Variants in PARP2 observed in about 807,000 individuals in gnomAD.
The protein encoded by PARP2 is poly(ADP-ribose) polymerase 2.
In PARP2, 57 loss-of-function variants were observed where a neutral mutation model predicts 77.8. That is an observed-to-expected ratio of 0.73 (90% confidence interval 0.59 to 0.91). The LOEUF (loss-of-function observed/expected upper bound fraction) is 0.91, where lower values mean the gene tolerates loss of function less well. Ranked by LOEUF, PARP2 falls within the 40% of genes least tolerant of loss-of-function variation. The pLI is 0.00. For missense variants in PARP2, 651 were observed against 689.0 expected, an observed-to-expected ratio of 0.94 and a Z score of 0.62; for synonymous variants, 226 against 242.6, an observed-to-expected ratio of 0.93 and a Z score of 0.64.
In PARP2 at chr14:20,356,360, C is replaced by A. The variant is rs1254789086; in HGVS notation, c.1155C>A (p.Thr385=). 1 of 1,613,910 alleles carries A rather than the reference C, an allele frequency of 6.2e-7. No homozygotes were observed. The highest frequency in any genetic ancestry group is 8.5e-7 in the Non-Finnish European group (1 of 1,179,914). ...ATGCTCCCACACACAGCGACTATAC[C>A]ATGACCTTGCTGGATTTGTTTGAAG... ...STHAPTHSDY[T]MTLLDLFEVE... Residue 385 remains threonine (T), a synonymous_variant, in exon 12 of 16, where the codon ACC becomes ACA. Coordinates refer to ENST00000429687, the MANE Select transcript of PARP2 (RefSeq NM_001042618.2).
intron 8 of PARP2, 128 bp from the exon 9 acceptor site, chr14:20,354,681 T>C (rs918635406): frequency 1.1e-6 from 1 of 896,348 alleles, no homozygotes. Flanking sequence ...GCAACAGGAG[T>C]GAGACCCCAT....
rs576656897 is a variant in PARP2 at position 20,357,488 on chromosome 14, G to A, written c.1521G>A (p.Lys507=). 2 of 1,613,602 alleles carry A rather than the reference G, an allele frequency of 1.2e-6. No individual in the cohort carries two copies. Among genetic ancestry groups the A allele is most frequent in the East Asian group, 2.2e-5 (1 of 44,880 alleles). The part of the protein sequence containing the change: ...QGKHSTKGLG[K]MAPSSAHFVT... ...AACATAGCACCAAGGGGCTGGGCAAGATGGCTCCCAGTTCTGCCCACTTCG... is the reference window on the plus strand; with the variant it reads ...AACATAGCACCAAGGGGCTGGGCAAAATGGCTCCCAGTTCTGCCCACTTCG... The change falls in exon 15 of 16, where the codon AAG becomes AAA. Residue 507 remains lysine, a synonymous_variant. Transcript: ENST00000429687.
At chr14:20,343,726 G>A in intron 1 of PARP2, 39 bp downstream of exon 1, 2 of 1,600,302 alleles carry the variant, frequency 1.2e-6, no homozygotes, top group South Asian at 1.1e-5. Flanking sequence ...TGCGGGGGGC[G>A]GGCAGTCAGA....
At chr14:20,351,570 C>T (rs3093907) in intron 6 of PARP2, among the ~76,000 whole-genome samples, 37,314 of 152,194 alleles carry the variant, frequency 0.25, 5,343 homozygotes, top group South Asian at 0.38. Flanking sequence ...TTCACCCTGA[C>T]ATTCTGTGGT....
intron 4 of PARP2, among the ~76,000 whole-genome samples, chr14:20,348,396 GT>G (rs761339440): frequency 0.071 from 10,088 of 142,598 alleles, 969 homozygotes; most frequent in African/African-American, 0.22. Flanking sequence ...AAAATTTTGG[GT>G]TTTTTTTTTT....
chr14:20,346,074 A>G (rs1303642570), intron 3 of PARP2, among the ~76,000 whole-genome samples: 2 of 152,188 alleles, frequency 1.3e-5, no homozygotes, highest in African/African-American at 4.8e-5. Flanking sequence ...AGTACTGAGG[A>G]TTACAATTCA....
At chr14:20,350,765 T>A in intron 5 of PARP2, 143 bp downstream of exon 5, 1 of 624,798 alleles carries the variant, frequency 1.6e-6, no homozygotes, top group Non-Finnish European at 2.9e-6. Context: ...AAGTTGAGCA[T>A]CTTGAAATTG....
At position 20,354,037 on chromosome 14, in the gene PARP2, G is replaced by C. The variant is rs772002026; in HGVS notation, c.601-48G>C. The stretch of plus-strand genomic sequence containing the variant: ...AATATTGGGTGTTATAAGGAATCTA[G>C]AGATGATTTCTTAGATTGTCTTGTG... On this transcript the variant is annotated intron_variant, in intron 7 of 15. Coordinates refer to ENST00000429687, the MANE Select transcript of PARP2 (RefSeq NM_001042618.2). 12 of 1,435,582 alleles carry C rather than the reference G, an allele frequency of 8.4e-6. No individual in the cohort carries two copies. In the African/African-American group the frequency reaches 1.3e-4, roughly 15 times the overall value. 88.9% of individuals were successfully genotyped at this position (1,435,582 alleles called of 1,614,324 possible).
chr14:20,344,087 A>G, intron 1 of PARP2: 1 of 239,186 alleles, frequency 4.2e-6, no homozygotes, highest in Non-Finnish European at 8.2e-6. Flanking sequence ...AGACCTATTG[A>G]GATACGGTAT....
intron 8 of PARP2, chr14:20,354,533 C>T: frequency 1.9e-6 from 1 of 524,138 alleles, no homozygotes; most frequent in Non-Finnish European, 3.4e-6. Flanking sequence ...CCCATCTCTA[C>T]TAAAAATAGA....
intron 8 of PARP2, 57 bp from the exon 9 acceptor site, chr14:20,354,752 G>GTACA (rs1166397969): frequency 6.6e-7 from 1 of 1,518,334 alleles, no homozygotes; most frequent in African/African-American, 1.4e-5. Context: ...AGGATGTTAA[G>GTACA]TACAGTTCAC....
chr14:20,356,191 G>T, intron 11 of PARP2, 116 bp from the exon 12 acceptor site: 2 of 1,431,262 alleles, frequency 1.4e-6, no homozygotes, highest in Non-Finnish European at 1.9e-6. Flanking sequence ...TAGCTGCCTT[G>T]TAAGACTGTT....
Position 20,355,931 on chromosome 14 carries a change from T to G in PARP2, c.1001T>G (p.Val334Gly). ...GACATTGAAATTGCTATTAAGCTGG[T>G]GAAAACAGAGCTACAAAGCCCAGAA... ...LGDIEIAIKL[V>G]KTELQSPEHP... Residue 334 changes from valine (V) to glycine (G), a missense_variant, in exon 11 of 16, where the codon GTG becomes GGG. Physicochemically the swap from Val to Gly is moderately radical, Grantham distance 109. Coordinates refer to ENST00000429687, the MANE Select transcript of PARP2 (RefSeq NM_001042618.2). The G allele has an allele frequency of 6.2e-7, 1 of 1,614,184 alleles. No individual in the cohort carries two copies. Among genetic ancestry groups the G allele is most frequent in the Non-Finnish European group, 8.5e-7 (1 of 1,180,010 alleles).
At chr14:20,344,746 G>A (rs1883644361) in intron 1 of PARP2, among the ~76,000 whole-genome samples, 186 bp from the exon 2 acceptor site, 1 of 152,216 alleles carries the variant, frequency 6.6e-6, no homozygotes, top group African/African-American at 2.4e-5. Flanking sequence ...CCAGGAGGCG[G>A]AGGTTGCAGT....
At chr14:20,354,746 T>A (rs756313178) in intron 8 of PARP2, 63 bp from the exon 9 acceptor site, 521 of 1,451,736 alleles carry the variant, frequency 3.6e-4, no homozygotes, top group Non-Finnish European at 4.6e-4. Context: ...TAGGGAAGGA[T>A]GTTAAGTACA....
intron 13 of PARP2, 33 bp downstream of exon 13, chr14:20,356,722 G>A (rs1374446442): frequency 2.1e-6 from 3 of 1,459,578 alleles, no homozygotes; most frequent in Admixed American, 1.7e-5. Context: ...AGGAGCACAG[G>A]GGAAAGGGAT....
intron 6 of PARP2, 29 bp downstream of exon 6, chr14:20,351,151 AT>A (rs773530714): frequency 3.9e-6 from 6 of 1,555,636 alleles, no homozygotes; most frequent in East Asian, 2.2e-5. Flanking sequence ...CTACAAAAAA[AT>A]ATACCCTCCT....
chr14:20,353,233 T>C (rs1760916), intron 7 of PARP2, among the ~76,000 whole-genome samples: 4 of 146,674 alleles, frequency 2.7e-5, no homozygotes, highest in East Asian at 4.0e-4. Context: ...TATTGTTTTT[T>C]TCGTTTTTTT....
At chr14:20,350,698 C>A in intron 5 of PARP2, 76 bp downstream of exon 5, 1 of 917,816 alleles carries the variant, frequency 1.1e-6, no homozygotes, top group South Asian at 1.3e-5. Context: ...CCAAAGGATT[C>A]TCTGGGTTTA....
Sources: allele counts gnomAD v4.1 joint callset (sites outside exome capture counted in the v4.1 genomes callset), GRCh38; gene constraint gnomAD v4.1.1; transcripts MANE v1.5; gene names NCBI Gene and HGNC (gene_info 2026-07-23, HGNC 2026-07-21).